Variants in ELMOD2 observed in about 807,000 individuals in gnomAD.
ELMOD2 encodes the protein ELMO domain containing 2.
In ELMOD2, 28 loss-of-function variants were observed where a neutral mutation model predicts 41.0. The observed-to-expected ratio is 0.68, with a 90% CI of 0.51 to 0.94. The LOEUF (loss-of-function observed/expected upper bound fraction) is 0.94, where lower values mean the gene tolerates loss of function less well. ELMOD2 is among the 40% of genes least tolerant of loss of function. The pLI is 0.00. For synonymous variants in ELMOD2, 106 were observed against 107.2 expected (o/e 0.99, Z 0.07); for missense variants, 333 against 343.1 (o/e 0.97, Z 0.23).
chr4:140,525,313 G>A, intron 1 of ELMOD2, 107 bp from the exon 2 acceptor site: 1 of 1,210,934 alleles, frequency 8.3e-7, no homozygotes, highest in South Asian at 1.5e-5. Flanking sequence ...CAGACACAAT[G>A]AAATGATAGA....
intron 3 of ELMOD2, among the ~76,000 whole-genome samples, chr4:140,530,581 T>A (rs2110828673): frequency 6.6e-6 from 1 of 152,302 alleles, no homozygotes; most frequent in Middle Eastern, 3.4e-3. Flanking sequence ...AATTGTATTC[T>A]TATGAACTTC....
Position 140,550,312 on chromosome 4 carries a change from G to A in ELMOD2, c.819G>A (p.Lys273=), listed in dbSNP as rs1384288871. The change falls in exon 9 of 9, where the codon AAG becomes AAA. Residue 273 remains lysine, a synonymous_variant. Transcript: ENST00000323570. The stretch of plus-strand genomic sequence containing the variant: ...TGTATTTCAATTTGTATAGAGAGAA[G>A]TTTCATGAAAAGATTAAAGGACTTT... ...SIMYFNLYRE[K]FHEKIKGLLL... The A allele has an allele frequency of 3.7e-6, 6 of 1,611,246 alleles. No individual in the cohort carries two copies. Among genetic ancestry groups the A allele is most frequent in the Non-Finnish European group, 5.1e-6 (6 of 1,178,546 alleles).
intron 8 of ELMOD2, among the ~76,000 whole-genome samples, 178 bp from the exon 9 acceptor site, chr4:140,550,052 C>G (rs930400123): frequency 1.3e-5 from 2 of 152,046 alleles, no homozygotes; most frequent in African/African-American, 4.8e-5. Context: ...TAAATATACA[C>G]TAAATCGTTT....
chr4:140,544,540 C>G (rs1735210276), intron 8 of ELMOD2, among the ~76,000 whole-genome samples: 2 of 152,046 alleles, frequency 1.3e-5, no homozygotes, highest in Admixed American at 1.3e-4. Context: ...AAATGAAAAT[C>G]TGATCGTTTT....
At chr4:140,542,834 A>G (rs1037968323) in intron 7 of ELMOD2, among the ~76,000 whole-genome samples, 192 bp downstream of exon 7, 1 of 152,006 alleles carries the variant, frequency 6.6e-6, no homozygotes, top group African/African-American at 2.4e-5. Context: ...GTATTTCAGT[A>G]TATTTTTATC....
intron 8 of ELMOD2, among the ~76,000 whole-genome samples, chr4:140,548,566 A>G (rs367914445): frequency 6.6e-6 from 1 of 152,246 alleles, no homozygotes; most frequent in African/African-American, 2.4e-5. Flanking sequence ...CATTTTACAT[A>G]GTAAGCAATC....
intron 3 of ELMOD2, among the ~76,000 whole-genome samples, chr4:140,531,265 T>C (rs2110830727): frequency 6.6e-6 from 1 of 152,320 alleles, no homozygotes; most frequent in East Asian, 1.9e-4. Context: ...TGTTCCACAG[T>C]GTGCATTCTT....
intron 3 of ELMOD2, among the ~76,000 whole-genome samples, chr4:140,529,338 T>G (rs1487727349): frequency 6.6e-6 from 1 of 152,236 alleles, no homozygotes; most frequent in Non-Finnish European, 1.5e-5. Flanking sequence ...TTGGAACTAT[T>G]TGGGTGCTGA....
In ELMOD2 at chr4:140,524,701, G is replaced by C. The variant is rs368853205; in HGVS notation, c.-10+421G>C. On this transcript the variant is annotated intron_variant, in intron 1 of 8. Coordinates refer to ENST00000323570, the MANE Select transcript of ELMOD2 (RefSeq NM_153702.4). ...GGAATGTTTAAGGCAGGAAGGAGAC[G>C]AGCAATTTTGTTTTTAAGTATCTCC... 6.2e-6 allele frequency: 6 copies of C among 966,690 alleles called. No individual in the cohort carries two copies. In the East Asian group the frequency reaches 5.7e-4, roughly 92 times the overall value. The allele number at this position is 966,690 out of a possible 1,614,324, so 59.9% of individuals were successfully genotyped here. A position where few individuals can be genotyped will look rare whatever the true frequency, so the allele number is the denominator to read the frequency against.
chr4:140,527,325 T>TTG, intron 2 of ELMOD2, 141 bp from the exon 3 acceptor site: 1 of 724,918 alleles, frequency 1.4e-6, no homozygotes, highest in Non-Finnish European at 2.3e-6. Context: ...AATTTTAAAA[T>TTG]GCTTCCTGTT....
At chr4:140,539,233 A>G (rs1029440476) in intron 5 of ELMOD2, among the ~76,000 whole-genome samples, 1 of 152,202 alleles carries the variant, frequency 6.6e-6, no homozygotes, top group Admixed American at 6.5e-5. Context: ...AATTTTCGCA[A>G]ACCTTCTTTA....
chr4:140,527,551 T>C, intron 3 of ELMOD2, 57 bp downstream of exon 3: 1 of 1,171,898 alleles, frequency 8.5e-7, no homozygotes, highest in African/African-American at 1.6e-5. Flanking sequence ...TATTTTTTCT[T>C]AAAAAAAAAA....
rs1560838028 is a variant in ELMOD2, at chr4:140,551,561, G to A, written c.*1186G>A. The A allele has an allele frequency of 6.6e-6, 1 of 152,036 alleles. No individual in the cohort carries two copies. Among genetic ancestry groups the A allele is most frequent in the Non-Finnish European group, 1.5e-5 (1 of 67,946 alleles). The allele number at this position is 152,036 out of a possible 1,614,324, so 9.4% of individuals were successfully genotyped here. On this transcript the variant is annotated 3_prime_UTR_variant, in exon 9 of 9. Coordinates refer to ENST00000323570, the MANE Select transcript of ELMOD2 (RefSeq NM_153702.4). ...TTTATGGGAATGATTTCTTCTTGGT[G>A]CGTTTTACACATTTGTACTGATAGC...
At chr4:140,532,985 T>TA (rs1045766340) in intron 3 of ELMOD2, among the ~76,000 whole-genome samples, 1 of 152,140 alleles carries the variant, frequency 6.6e-6, no homozygotes, top group Non-Finnish European at 1.5e-5. Context: ...CAATACCACT[T>TA]ACAAAAGCAT....
intron 5 of ELMOD2, among the ~76,000 whole-genome samples, chr4:140,537,822 GAAAT>G (rs565949744): frequency 6.8e-4 from 103 of 150,736 alleles, no homozygotes; most frequent in Non-Finnish European, 1.3e-3. Flanking sequence ...TTTTATTTCT[GAAAT>G]AAAAACCTAT....
intron 3 of ELMOD2, among the ~76,000 whole-genome samples, chr4:140,530,482 T>A (rs1734713846): frequency 6.6e-6 from 1 of 152,152 alleles, no homozygotes; most frequent in African/African-American, 2.4e-5. Flanking sequence ...TTTAAAGTAG[T>A]GGTTACAAGT....
intron 3 of ELMOD2, among the ~76,000 whole-genome samples, chr4:140,529,465 A>G (rs929097341): frequency 7.2e-5 from 11 of 152,104 alleles, no homozygotes; most frequent in East Asian, 5.8e-4. Flanking sequence ...CTTCCAACCA[A>G]TTTTTTCAGT....
intron 7 of ELMOD2, 54 bp downstream of exon 7, chr4:140,542,696 T>C (rs1578771353): frequency 2.3e-6 from 3 of 1,305,940 alleles, no homozygotes; most frequent in Non-Finnish European, 3.2e-6. Flanking sequence ...AATGATTAGA[T>C]GATTTAATGA....
In ELMOD2 at chr4:140,525,613, G is replaced by T. The variant is rs3828535; in HGVS notation, c.142+43G>T. ...GAAAAAGTACTAATAAAAGTTTAAC[G>T]GAGTGTTTTTCTCAGGACTCACAGT... On this transcript the variant is annotated intron_variant, in intron 2 of 8. Transcript: ENST00000323570. The T allele has an allele frequency of 0.28, 432,732 of 1,564,094 alleles. 62,523 individuals carry two copies. The highest frequency in any genetic ancestry group is 0.44 in the East Asian group (19,248 of 43,408).
Sources: gnomAD v4.1 joint callset for allele counts (sites outside exome capture counted in the v4.1 genomes callset) on GRCh38, gnomAD v4.1.1 for gene constraint, MANE v1.5 for transcripts, NCBI Gene and HGNC (gene_info 2026-07-23, HGNC 2026-07-21) for gene names.